The following CLBA1 variants were observed in gnomAD, a reference collection of about 807,000 sequenced individuals.
The protein encoded by CLBA1 is clathrin binding box of aftiphilin containing 1.
In CLBA1, 30 loss-of-function variants were observed where a neutral mutation model predicts 28.8. The observed-to-expected ratio is 1.04, with a 90% CI of 0.78 to 1.41. CLBA1 has a LOEUF of 1.41. Among genes scored for constraint, CLBA1 ranks in the 40% most tolerant of loss-of-function variants. The pLI is 0.00. For synonymous variants in CLBA1, 160 were observed against 152.8 expected, an observed-to-expected ratio of 1.05 and a Z score of -0.35; for missense variants, 451 against 412.3, an observed-to-expected ratio of 1.09 and a Z score of -0.81.
In CLBA1 at chr14:104,985,822, T is replaced by G. The variant is rs755407989; in HGVS notation, c.-610T>G. On this transcript the variant is annotated 5_prime_UTR_variant, in exon 1 of 5. Coordinates refer to ENST00000547315, the MANE Select transcript of CLBA1 (RefSeq NM_174891.4). ...GGCGGCGCAGGCAGGAGGGAACGGCTGGTTGCAGGTTTCTCTCGCCCTGGT... is the reference window on the plus strand; with the variant it reads ...GGCGGCGCAGGCAGGAGGGAACGGCGGGTTGCAGGTTTCTCTCGCCCTGGT... The G allele has an allele frequency of 1.8e-4, 56 of 302,758 alleles. No individual in the cohort carries two copies. The highest frequency in any genetic ancestry group is 6.2e-4 in the Middle Eastern group (1 of 1,602). 18.8% of individuals were successfully genotyped at this position (302,758 alleles called of 1,614,324 possible).
At chr14:104,994,202 G>A (rs7159532) in intron 4 of CLBA1, 646,400 of 985,272 alleles carry the variant, frequency 0.66, 218,184 homozygotes, top group Non-Finnish European at 0.69. Flanking sequence ...GCAGCCGGTG[G>A]GGGAGACGTC....
chr14:104,993,155 G>C, intron 4 of CLBA1, 91 bp downstream of exon 4: 1 of 1,539,268 alleles, frequency 6.5e-7, no homozygotes, highest in Non-Finnish European at 8.7e-7. Context: ...TGAGTCAGTT[G>C]CTTGTTTTCT....
At position 104,995,095 on chromosome 14, in the gene CLBA1, G is replaced by T; in HGVS notation, c.*336G>T. On this transcript the variant is annotated 3_prime_UTR_variant, in exon 5 of 5. Transcript: ENST00000547315. ...GGATGGACCCTGGGCATGGCTTCTG[G>T]GCTGCTTAGTCCAGGGGGAGCAACT... The T allele has an allele frequency of 9.8e-7, 1 of 1,016,450 alleles. No homozygotes were observed. Among genetic ancestry groups the T allele is most frequent in the South Asian group, 4.4e-5 (1 of 22,680 alleles). The allele number at this position is 1,016,450 out of a possible 1,614,324, so 63.0% of individuals were successfully genotyped here. A position where few individuals can be genotyped will look rare whatever the true frequency, so the allele number is the denominator to read the frequency against.
chr14:104,987,884 G>A (rs1435142685), intron 1 of CLBA1, among the ~76,000 whole-genome samples: 1 of 151,458 alleles, frequency 6.6e-6, no homozygotes, highest in African/African-American at 2.4e-5. Context: ...TGATCCGCCC[G>A]CCTCGGCCTC....
At position 104,986,590 on chromosome 14, in the gene CLBA1, C is replaced by T. The variant is rs750162284; in HGVS notation, c.159C>T (p.Ser53=). 5 of 1,614,112 alleles carry T rather than the reference C, an allele frequency of 3.1e-6. No homozygotes were observed. The highest frequency in any genetic ancestry group is 1.1e-5 in the South Asian group (1 of 91,090). The change falls in exon 1 of 5, where the codon AGC becomes AGT. Residue 53 remains serine, a synonymous_variant. Coordinates refer to ENST00000547315, the MANE Select transcript of CLBA1 (RefSeq NM_174891.4). ...TTCTCCTGTCCGATGGGAAAGCCAG[C>T]ATCTCCATGCCCCGTGAGGGCGGTT... ...PDLLLSDGKA[S]ISMPREGGST...
At chr14:104,988,885 G>A (rs1899939410) in intron 1 of CLBA1, 58 bp from the exon 2 acceptor site, 5 of 1,469,662 alleles carry the variant, frequency 3.4e-6, no homozygotes, top group Non-Finnish European at 4.7e-6. Context: ...TTGGAATAAG[G>A]TAACGTTATG....
Position 104,988,935 on chromosome 14 carries a change from C to T in CLBA1, c.424-8C>T, listed in dbSNP as rs764544101. The T allele has an allele frequency of 1.4e-5, 22 of 1,595,692 alleles. No individual in the cohort carries two copies. The highest frequency in any genetic ancestry group is 1.8e-5 in the Non-Finnish European group (21 of 1,172,014). On this transcript the variant is annotated splice_region_variant and splice_polypyrimidine_tract_variant and intron_variant, in intron 1 of 4. Transcript: ENST00000547315. ...AACTTTGGTATGCTTTTCTTCTTTT[C>T]TTTTCAGCCCATTCTCAGCTATGAG...
At chr14:104,988,890 G>C in intron 1 of CLBA1, 53 bp from the exon 2 acceptor site, 1 of 1,503,818 alleles carries the variant, frequency 6.6e-7, no homozygotes. Flanking sequence ...ATAAGGTAAC[G>C]TTATGTATGT....
intron 1 of CLBA1, among the ~76,000 whole-genome samples, chr14:104,987,792 TA>T (rs1899909362): frequency 2.8e-5 from 2 of 72,340 alleles, no homozygotes; most frequent in African/African-American, 2.3e-4. Flanking sequence ...TAACTTTTTA[TA>T]TATATATATA....
Position 104,991,898 on chromosome 14 carries a change from T to C in CLBA1, c.699+278T>C, listed in dbSNP as rs531965063. Among the ~76,000 whole-genome samples the C allele has an allele frequency of 3.9e-5, 6 of 152,280 alleles. No individual in the cohort carries two copies. The East Asian group carries it at 9.7e-4, about 24-fold the overall frequency. ...CAACGCATTCAGAGATGTGCAACAGTGTGTGTGCACTCATGCCACTGCCGC... is the reference window on the plus strand; with the variant it reads ...CAACGCATTCAGAGATGTGCAACAGCGTGTGTGCACTCATGCCACTGCCGC... On this transcript the variant is annotated intron_variant, in intron 3 of 4. Coordinates refer to ENST00000547315, the MANE Select transcript of CLBA1 (RefSeq NM_174891.4).
In CLBA1 at chr14:104,986,028, C is replaced by T. The variant is rs1899844077; in HGVS notation, c.-404C>T. On this transcript the variant is annotated 5_prime_UTR_variant, in exon 1 of 5. Transcript: ENST00000547315. Reference sequence around the variant, plus strand: ...CCGGGGCGCCGCACCCACTCCTTCCCACTTGGGACTCCCGCGGGCGCCCGG... The same window carrying T: ...CCGGGGCGCCGCACCCACTCCTTCCTACTTGGGACTCCCGCGGGCGCCCGG... 4 of 252,354 alleles carry T rather than the reference C, an allele frequency of 1.6e-5. No individual in the cohort carries two copies. Among genetic ancestry groups the T allele is most frequent in the Non-Finnish European group, 3.1e-5 (4 of 127,346 alleles). 15.6% of individuals were successfully genotyped at this position (252,354 alleles called of 1,614,324 possible).
Position 104,986,859 on chromosome 14 carries a change from T to A in CLBA1, c.423+5T>A. The A allele has an allele frequency of 6.2e-7, 1 of 1,612,254 alleles. No homozygotes were observed. The highest frequency in any genetic ancestry group is 8.5e-7 in the Non-Finnish European group (1 of 1,179,548). On this transcript the variant is annotated splice_donor_5th_base_variant and intron_variant, in intron 1 of 4. Coordinates refer to ENST00000547315, the MANE Select transcript of CLBA1 (RefSeq NM_174891.4). ...TCTGCCGTCCCACCTTCTGAGGTATTTCTGCTGTGCTGTGGTCACCATGTT... is the reference window on the plus strand; with the variant it reads ...TCTGCCGTCCCACCTTCTGAGGTATATCTGCTGTGCTGTGGTCACCATGTT...
chr14:104,988,524 G>C (rs888891626), intron 1 of CLBA1, among the ~76,000 whole-genome samples: 2 of 151,998 alleles, frequency 1.3e-5, no homozygotes, highest in Non-Finnish European at 2.9e-5. Context: ...ATTTTTAGTA[G>C]AGATGGGGGT....
At chr14:104,988,913 T>C (rs775190993) in intron 1 of CLBA1, 30 bp from the exon 2 acceptor site, 1 of 1,570,896 alleles carries the variant, frequency 6.4e-7, no homozygotes, top group South Asian at 1.2e-5. Context: ...TTCTCCTAAC[T>C]TTGGTATGCT....
intron 2 of CLBA1, chr14:104,989,695 T>C (rs186240884): frequency 1.5e-5 from 7 of 456,078 alleles, no homozygotes; most frequent in African/African-American, 1.4e-4. Context: ...CCGCAGTGGT[T>C]GAGAAGCTCG....
chr14:104,990,216 A>G (rs1261740969), intron 2 of CLBA1: 1 of 163,040 alleles, frequency 6.1e-6, no homozygotes, highest in Non-Finnish European at 1.4e-5. Context: ...GCGGGGCTGG[A>G]CACTCGTGGG....
At chr14:104,988,626 A>G (rs1455822885) in intron 1 of CLBA1, among the ~76,000 whole-genome samples, 2 of 152,224 alleles carry the variant, frequency 1.3e-5, no homozygotes, top group Non-Finnish European at 2.9e-5. Flanking sequence ...GGCGTGAGCC[A>G]CCGCGCCCGG....
At chr14:104,993,786 G>T in intron 4 of CLBA1, 8 of 985,474 alleles carry the variant, frequency 8.1e-6, no homozygotes, top group Non-Finnish European at 8.4e-6. Context: ...GGGGCTCATT[G>T]TGTACACCCA....
chr14:104,988,331 A>G (rs1899925024), intron 1 of CLBA1, among the ~76,000 whole-genome samples: 1 of 124,718 alleles, frequency 8.0e-6, no homozygotes, highest in South Asian at 2.4e-4. Flanking sequence ...AGTATGTATA[A>G]TTTCTTTTTT....
Sources: allele counts gnomAD v4.1 joint callset (sites outside exome capture counted in the v4.1 genomes callset), GRCh38; gene constraint gnomAD v4.1.1; transcripts MANE v1.5; gene names NCBI Gene and HGNC (gene_info 2026-07-23, HGNC 2026-07-21).